The following ZNF804B variants were observed in gnomAD, a reference collection of about 807,000 sequenced individuals.
ZNF804B encodes the protein zinc finger 804B.
In ZNF804B, 80 loss-of-function variants were observed where a neutral mutation model predicts 101.4. The observed-to-expected ratio is 0.79, with a 90% confidence interval of 0.66 to 0.95. The LOEUF is 0.95. Ranked by LOEUF, ZNF804B falls within the 40% of genes least tolerant of loss-of-function variation. ZNF804B has a pLI of 0.00. For missense variants in ZNF804B, 1,673 were observed against 1,561.9 expected, an observed-to-expected ratio of 1.07 and a Z score of -1.20; for synonymous variants, 622 against 558.8, an observed-to-expected ratio of 1.11 and a Z score of -1.59.
chr7:89,017,043 G>T (rs1400937733), intron 1 of ZNF804B, among the ~76,000 whole-genome samples: 2 of 152,080 alleles, frequency 1.3e-5, no homozygotes, highest in Admixed American at 6.6e-5. Context: ...CCTTGAAGAG[G>T]TCCTTCACAT....
chr7:88,990,617 A>T (rs1405379733), intron 1 of ZNF804B, among the ~76,000 whole-genome samples: 1 of 152,124 alleles, frequency 6.6e-6, no homozygotes, highest in Non-Finnish European at 1.5e-5. Flanking sequence ...CAGATATTAC[A>T]GCTAAGGAAA....
chr7:89,039,339 A>G (rs769279944), intron 1 of ZNF804B, among the ~76,000 whole-genome samples: 13 of 152,120 alleles, frequency 8.5e-5, no homozygotes, highest in South Asian at 8.3e-4. Flanking sequence ...ATCAATTAAC[A>G]TGGGTTATCT....
rs111339783 is a variant in ZNF804B, at chr7:88,916,459, C to T, written c.108+156375C>T. Among the ~76,000 whole-genome samples the T allele has an allele frequency of 2.4e-3, 366 of 152,216 alleles. 2 individuals carry two copies. The highest frequency in any genetic ancestry group is 8.7e-3 in the African/African-American group (362 of 41,568). On this transcript the variant is annotated intron_variant, in intron 1 of 3. Coordinates refer to ENST00000333190, the MANE Select transcript of ZNF804B (RefSeq NM_181646.5). ...TTCTAACTGACCATAATTGCACACT[C>T]TATTGTATTGCTAGTGAACCGTTTA... is the stretch of plus-strand genomic sequence containing the variant.
At chr7:89,072,283 G>A (rs1227725035) in intron 1 of ZNF804B, among the ~76,000 whole-genome samples, 4 of 152,116 alleles carry the variant, frequency 2.6e-5, no homozygotes, top group African/African-American at 4.8e-5. Flanking sequence ...TCTTTCTCAT[G>A]GTTAGAATGG....
chr7:89,039,081 G>A (rs1278266013), intron 1 of ZNF804B, among the ~76,000 whole-genome samples: 2 of 151,794 alleles, frequency 1.3e-5, no homozygotes, highest in African/African-American at 4.8e-5. Flanking sequence ...CCTTTGTAGT[G>A]TATTTTAAAA....
intron 1 of ZNF804B, among the ~76,000 whole-genome samples, chr7:89,024,032 CA>C (rs1373991709): frequency 6.6e-6 from 1 of 152,180 alleles, no homozygotes; most frequent in East Asian, 1.9e-4. Flanking sequence ...TCCTACATTC[CA>C]TGACTATATT....
At chr7:89,079,114 T>C (rs1789656992) in intron 1 of ZNF804B, among the ~76,000 whole-genome samples, 1 of 152,032 alleles carries the variant, frequency 6.6e-6, no homozygotes, top group African/African-American at 2.4e-5. Context: ...GATATGTGTA[T>C]CCATTTAGCA....
At chr7:88,973,102 T>A (rs1793560287) in intron 1 of ZNF804B, among the ~76,000 whole-genome samples, 1 of 151,086 alleles carries the variant, frequency 6.6e-6, no homozygotes, top group African/African-American at 2.4e-5. Flanking sequence ...AATGTTCTTC[T>A]CTTTAAGAAA....
chr7:88,776,028 C>T (rs1782608717), intron 1 of ZNF804B, among the ~76,000 whole-genome samples: 1 of 152,064 alleles, frequency 6.6e-6, no homozygotes, highest in Admixed American at 6.6e-5. Flanking sequence ...CTGGTTTGAC[C>T]TTCTATTCCA....
chr7:89,194,144 A>G (rs1428994407), intron 1 of ZNF804B, among the ~76,000 whole-genome samples: 2 of 151,850 alleles, frequency 1.3e-5, no homozygotes, highest in African/African-American at 4.8e-5. Context: ...TCCTTTGCCC[A>G]CTTTTTGATG....
At chr7:88,815,543 G>A (rs539016852) in intron 1 of ZNF804B, among the ~76,000 whole-genome samples, 1 of 151,762 alleles carries the variant, frequency 6.6e-6, no homozygotes, top group African/African-American at 2.4e-5. Flanking sequence ...CATTGTTGCT[G>A]TTCCTTCCCC....
At chr7:89,266,687 C>A (rs1175753636) in intron 2 of ZNF804B, among the ~76,000 whole-genome samples, 2 of 152,048 alleles carry the variant, frequency 1.3e-5, no homozygotes, top group Admixed American at 6.6e-5. Context: ...GGACTTTGTA[C>A]TTCATTGGTC....
chr7:89,298,944 C>G (rs758900), intron 2 of ZNF804B, among the ~76,000 whole-genome samples: 138,509 of 151,900 alleles, frequency 0.91, 63,284 homozygotes, highest in East Asian at 1. Flanking sequence ...CTCAGGGTTG[C>G]GATAATTTCA....
chr7:89,241,335 A>G lies in ZNF804B; in HGVS notation c.249+23040A>G, dbSNP rs112342854. On this transcript the variant is annotated intron_variant, in intron 2 of 3. Transcript: ENST00000333190. Reference sequence around the variant, plus strand: ...TTATTCACTCCAGGTAGCTGATTTCATAACAACCTTTGTTGGTGCTTTTTT... The same window carrying G: ...TTATTCACTCCAGGTAGCTGATTTCGTAACAACCTTTGTTGGTGCTTTTTT... Among the ~76,000 whole-genome samples, 396 of 152,228 alleles carry G rather than the reference A, an allele frequency of 2.6e-3. 3 individuals carry two copies. The highest frequency in any genetic ancestry group is 9.2e-3 in the African/African-American group (383 of 41,564).
intron 1 of ZNF804B, among the ~76,000 whole-genome samples, chr7:88,819,162 C>T (rs1790934129): frequency 6.6e-6 from 1 of 152,102 alleles, no homozygotes; most frequent in Admixed American, 6.6e-5. Context: ...CTCTTTCCGT[C>T]ACCCAGGCTG....
At chr7:89,046,312 A>G (rs1000173987) in intron 1 of ZNF804B, among the ~76,000 whole-genome samples, 2 of 152,062 alleles carry the variant, frequency 1.3e-5, no homozygotes, top group African/African-American at 4.8e-5. Context: ...GGACTAATAC[A>G]CCTCTGAAAA....
chr7:88,915,645 A>G (rs1792621397), intron 1 of ZNF804B, among the ~76,000 whole-genome samples: 1 of 151,970 alleles, frequency 6.6e-6, no homozygotes, highest in Non-Finnish European at 1.5e-5. Context: ...GTTAATAGAC[A>G]CTAAATTATT....
At chr7:89,263,570 C>T (rs1789740676) in intron 2 of ZNF804B, among the ~76,000 whole-genome samples, 1 of 150,718 alleles carries the variant, frequency 6.6e-6, no homozygotes, top group Non-Finnish European at 1.5e-5. Flanking sequence ...GTTCTAACCA[C>T]ACGAACCTGT....
intron 2 of ZNF804B, among the ~76,000 whole-genome samples, chr7:89,279,521 G>A (rs534649127): frequency 2.2e-4 from 34 of 151,604 alleles, no homozygotes; most frequent in Admixed American, 8.5e-4. Context: ...TTTGAAATAC[G>A]TCCCATCAAT....
Sources: gnomAD v4.1 joint callset for allele counts (sites outside exome capture counted in the v4.1 genomes callset) on GRCh38, gnomAD v4.1.1 for gene constraint, MANE v1.5 for transcripts, NCBI Gene and HGNC (gene_info 2026-07-23, HGNC 2026-07-21) for gene names.